The following SYT1 variants were observed in gnomAD, a reference collection of about 807,000 sequenced individuals.
SYT1 encodes the protein synaptotagmin 1, also known as synaptotagmin-1.
In SYT1, 8 loss-of-function variants were observed where a neutral mutation model predicts 44.8. The observed-to-expected ratio is 0.18, with a 90% confidence interval of 0.10 to 0.32. The LOEUF (loss-of-function observed/expected upper bound fraction) is 0.32, where lower values mean the gene tolerates loss of function less well. SYT1 is among the 10% of genes least tolerant of loss of function. The pLI, the probability that SYT1 is intolerant of heterozygous loss-of-function variation, is 1.00. For missense variants in SYT1, 286 were observed against 509.3 expected (o/e 0.56, Z 4.22); for synonymous variants, 154 against 188.8 (o/e 0.82, Z 1.51).
At chr12:79,352,930 A>G (rs1355987047) in intron 8 of SYT1, among the ~76,000 whole-genome samples, 1 of 152,218 alleles carries the variant, frequency 6.6e-6, no homozygotes, top group Non-Finnish European at 1.5e-5. Flanking sequence ...ACTTAAGATG[A>G]GTAATACTAA....
chr12:79,294,814 G>A (rs1353872827), intron 6 of SYT1, among the ~76,000 whole-genome samples: 1 of 151,174 alleles, frequency 6.6e-6, no homozygotes, highest in Non-Finnish European at 1.5e-5. Context: ...TATTTTAGCT[G>A]TTTTTTGACC....
intron 6 of SYT1, among the ~76,000 whole-genome samples, chr12:79,293,111 G>T (rs1447815146): frequency 6.8e-6 from 1 of 146,426 alleles, no homozygotes; most frequent in African/African-American, 2.5e-5. Flanking sequence ...AGGAGATCAA[G>T]ACCATCCTGG....
In SYT1 at chr12:79,221,172, A is replaced by G. The variant is rs142253385; in HGVS notation, c.166+3487A>G. The stretch of plus-strand genomic sequence containing the variant: ...GAATTTTGACCATTTTTATCATTAT[A>G]TAATGACCTTTTTATTTCTTTTTGC... On this transcript the variant is annotated intron_variant, in intron 4 of 10. Transcript: ENST00000261205. 8.5e-3 allele frequency among the ~76,000 whole-genome samples: 1,301 copies of G among 152,298 alleles called. 22 individuals carry two copies. The highest frequency in any genetic ancestry group is 0.03 in the African/African-American group (1,236 of 41,576).
At chr12:79,261,431 C>T (rs1877824640) in intron 4 of SYT1, among the ~76,000 whole-genome samples, 1 of 152,140 alleles carries the variant, frequency 6.6e-6, no homozygotes, top group Non-Finnish European at 1.5e-5. Flanking sequence ...TTATTTTATA[C>T]TGGATTAACT....
chr12:79,325,669 C>A (rs376217983), intron 8 of SYT1, among the ~76,000 whole-genome samples: 2 of 152,150 alleles, frequency 1.3e-5, no homozygotes, highest in African/African-American at 4.8e-5. Context: ...AGTATGGCTA[C>A]AGATAAGGTT....
At chr12:79,087,725 G>A (rs895223983) in intron 3 of SYT1, among the ~76,000 whole-genome samples, 3 of 152,090 alleles carry the variant, frequency 2.0e-5, no homozygotes, top group African/African-American at 7.2e-5. Context: ...GTCTCAGCTG[G>A]ATGAAAAGGA....
intron 3 of SYT1, among the ~76,000 whole-genome samples, chr12:79,060,453 C>T (rs529143411): frequency 9.2e-5 from 14 of 152,058 alleles, no homozygotes; most frequent in Admixed American, 7.9e-4. Context: ...AGTGAAACTC[C>T]GTACATATTA....
At chr12:78,874,954 A>G (rs1873990502) in intron 1 of SYT1, among the ~76,000 whole-genome samples, 10 of 151,558 alleles carry the variant, frequency 6.6e-5, no homozygotes. Flanking sequence ...TATTCATCTC[A>G]TTGCAAAGAT....
chr12:79,137,951 G>A (rs1869305855), intron 3 of SYT1, among the ~76,000 whole-genome samples: 1 of 152,126 alleles, frequency 6.6e-6, no homozygotes, highest in African/African-American at 2.4e-5. Flanking sequence ...CCTGCAAGCA[G>A]TCATGCATAA....
intron 9 of SYT1, among the ~76,000 whole-genome samples, chr12:79,373,044 TTCCCTCATCCAAAA>T (rs1883855268): frequency 6.6e-6 from 1 of 152,216 alleles, no homozygotes; most frequent in Non-Finnish European, 1.5e-5. Flanking sequence ...GACAAGATAT[TTCCCTCATCCAAAA>T]ATGTAGACTC....
chr12:79,245,502 GA>G (rs902958544), intron 4 of SYT1, among the ~76,000 whole-genome samples: 11 of 130,204 alleles, frequency 8.4e-5, no homozygotes, highest in Admixed American at 3.1e-4. Context: ...AAAGAAAAAA[GA>G]AAAAAAAAAC....
chr12:79,450,979 A>G lies in SYT1; in HGVS notation c.*1855A>G, dbSNP rs1419709826. 6.6e-6 allele frequency: 1 copy of G among 152,604 alleles called. No homozygotes were observed. The highest frequency in any genetic ancestry group is 1.5e-5 in the Non-Finnish European group (1 of 68,046). 9.5% of individuals were successfully genotyped at this position (152,604 alleles called of 1,614,324 possible). On this transcript the variant is annotated 3_prime_UTR_variant, in exon 11 of 11. Transcript: ENST00000261205. ...CTGAAATGAAAGTTTGTCTTCACAA[A>G]TATCAAAACAAAATGGAGGAAAACT...
chr12:79,046,497 A>G (rs1874069422), intron 2 of SYT1: 1 of 152,144 alleles, frequency 6.6e-6, no homozygotes, highest in Non-Finnish European at 1.5e-5. Context: ...TGAGTTGTTA[A>G]CATGTCAAAC....
intron 3 of SYT1, among the ~76,000 whole-genome samples, chr12:79,179,387 G>GATATATCTATATCC (rs1491382424): frequency 8.3e-4 from 3 of 3,616 alleles, no homozygotes; most frequent in African/African-American, 2.9e-3. Flanking sequence ...TAGATATATC[G>GATATATCTATATCC]ATATAGATAT....
chr12:78,950,248 A>T (rs1217472164), intron 1 of SYT1, among the ~76,000 whole-genome samples: 1 of 152,068 alleles, frequency 6.6e-6, no homozygotes, highest in Non-Finnish European at 1.5e-5. Flanking sequence ...TTACATATGA[A>T]CCTACCTTAT....
chr12:78,876,162 C>T (rs1038619377), intron 1 of SYT1, among the ~76,000 whole-genome samples: 4 of 151,518 alleles, frequency 2.6e-5, no homozygotes, highest in African/African-American at 7.3e-5. Context: ...CATTTTGTGT[C>T]GATTATCACT....
At chr12:78,904,486 T>C (rs1181233263) in intron 1 of SYT1, among the ~76,000 whole-genome samples, 2 of 152,124 alleles carry the variant, frequency 1.3e-5, no homozygotes, top group Non-Finnish European at 2.9e-5. Flanking sequence ...ATTCACCAGT[T>C]TTCGAGTATC....
intron 9 of SYT1, among the ~76,000 whole-genome samples, chr12:79,374,127 A>G (rs1208352665): frequency 1.3e-5 from 2 of 152,290 alleles, no homozygotes; most frequent in Non-Finnish European, 2.9e-5. Flanking sequence ...CTGCGTGTGA[A>G]TCATGCCAGA....
intron 4 of SYT1, among the ~76,000 whole-genome samples, chr12:79,279,723 T>G (rs575880097): frequency 1.3e-5 from 2 of 152,086 alleles, no homozygotes; most frequent in Non-Finnish European, 2.9e-5. Context: ...CTGTCTCTGT[T>G]GGCTGTTGAT....
Sources: gnomAD v4.1 joint callset for allele counts (sites outside exome capture counted in the v4.1 genomes callset) on GRCh38, gnomAD v4.1.1 for gene constraint, MANE v1.5 for transcripts, NCBI Gene and HGNC (gene_info 2026-07-23, HGNC 2026-07-21) for gene names.